The following VWC2 variants were observed in gnomAD, a reference collection of about 807,000 sequenced individuals.
VWC2 encodes von Willebrand factor C domain containing 2, also known as brorin.
Under a neutral mutation model 29.8 loss-of-function variants are expected in VWC2, and 14 were observed. The observed-to-expected ratio is 0.47, with a 90% CI of 0.31 to 0.74. VWC2 has a LOEUF of 0.74. VWC2 is among the 30% of genes least tolerant of loss of function. The pLI is 0.05. For synonymous variants in VWC2, 213 were observed against 199.0 expected (o/e 1.07, Z -0.59); for missense variants, 457 against 459.8 (o/e 0.99, Z 0.05).
chr7:49,919,915 GATTA>G lies in VWC2; in HGVS notation c.*7735_*7738del, dbSNP rs1330581744. The G allele has an allele frequency of 2.0e-5, 3 of 152,170 alleles. No homozygotes were observed. Among genetic ancestry groups the G allele is most frequent in the African/African-American group, 4.8e-5 (2 of 41,438 alleles). 9.4% of individuals were successfully genotyped at this position (152,170 alleles called of 1,614,324 possible). On this transcript the variant is annotated 3_prime_UTR_variant, in exon 4 of 4. Transcript: ENST00000340652. The stretch of plus-strand genomic sequence containing the variant: ...TCTATATATGTTTTTGTAGGTTTTA[GATTA>G]ATTATGGCCAACTGATACCTTAAAA...
At chr7:49,822,311 A>C (rs1789280650) in intron 3 of VWC2, among the ~76,000 whole-genome samples, 2 of 152,188 alleles carry the variant, frequency 1.3e-5, no homozygotes, top group African/African-American at 4.8e-5. Flanking sequence ...AATCATGCTT[A>C]CTGAGGTAGA....
chr7:49,911,918 T>TACACAC, intron 3 of VWC2, 116 bp from the exon 4 acceptor site: 5 of 223,036 alleles, frequency 2.2e-5, no homozygotes, highest in East Asian at 1.9e-4. Flanking sequence ...AACAAACAAA[T>TACACAC]ACACGCACAC....
chr7:49,873,895 ATATAAT>A (rs1386712081), intron 3 of VWC2, among the ~76,000 whole-genome samples: 1 of 123,030 alleles, frequency 8.1e-6, no homozygotes, highest in Admixed American at 8.4e-5. Flanking sequence ...ATGTCAAAAC[ATATAAT>A]TAAGTAAAAA....
intron 3 of VWC2, among the ~76,000 whole-genome samples, chr7:49,880,621 T>C (rs1342392488): frequency 6.6e-6 from 1 of 152,008 alleles, no homozygotes; most frequent in East Asian, 1.9e-4. Flanking sequence ...CTTTAAGTTC[T>C]AGGGTACATG....
chr7:49,867,824 T>A (rs560598585), intron 3 of VWC2, among the ~76,000 whole-genome samples: 101 of 141,798 alleles, frequency 7.1e-4, no homozygotes, highest in African/African-American at 2.4e-3. Flanking sequence ...TTTTCTATTT[T>A]TTATTTTATT....
At chr7:49,868,265 A>C (rs576021602) in intron 3 of VWC2, among the ~76,000 whole-genome samples, 66 of 152,348 alleles carry the variant, frequency 4.3e-4, no homozygotes, top group Non-Finnish European at 8.1e-4. Flanking sequence ...TTTAGGTTTC[A>C]TTAATAGGAA....
At chr7:49,859,540 G>T (rs1181758615) in intron 3 of VWC2, among the ~76,000 whole-genome samples, 4 of 152,152 alleles carry the variant, frequency 2.6e-5, no homozygotes, top group African/African-American at 9.7e-5. Context: ...CCAACAATGG[G>T]ACCCTCAGTA....
At position 49,917,529 on chromosome 7, in the gene VWC2, T is replaced by C. The variant is rs1038749606; in HGVS notation, c.*5344T>C. On this transcript the variant is annotated 3_prime_UTR_variant, in exon 4 of 4. Coordinates refer to ENST00000340652, the MANE Select transcript of VWC2 (RefSeq NM_198570.5). ...GTACATAAAACCTCTGGCTGACCTA[T>C]TATATAGGCACAGAATTATCAAAAG... The C allele has an allele frequency of 6.6e-6, 1 of 152,172 alleles. No homozygotes were observed. Among genetic ancestry groups the C allele is most frequent in the African/African-American group, 2.4e-5 (1 of 41,450 alleles). 9.4% of individuals were successfully genotyped at this position (152,172 alleles called of 1,614,324 possible).
intron 3 of VWC2, among the ~76,000 whole-genome samples, chr7:49,809,491 A>G (rs1788950821): frequency 6.6e-6 from 1 of 152,068 alleles, no homozygotes; most frequent in Non-Finnish European, 1.5e-5. Context: ...AAATAGAAGC[A>G]AAGGAAACAC....
rs563178218 is a variant in VWC2, at chr7:49,823,387, A to G, written c.826+20547A>G. 2.0e-5 allele frequency among the ~76,000 whole-genome samples: 3 copies of G among 152,292 alleles called. No homozygotes were observed. The South Asian group carries it at 6.2e-4, about 32-fold the overall frequency. ...AGACTAAAGAGACTGACTCTAAGAG[A>G]GTCTAGATGTTGGACTCTGCAGAGA... On this transcript the variant is annotated intron_variant, in intron 3 of 3. Coordinates refer to ENST00000340652, the MANE Select transcript of VWC2 (RefSeq NM_198570.5).
intron 3 of VWC2, among the ~76,000 whole-genome samples, chr7:49,869,433 G>A (rs994059108): frequency 6.6e-6 from 1 of 152,134 alleles, no homozygotes; most frequent in Admixed American, 6.5e-5. Context: ...ACAAATCAAA[G>A]CCTACACTAG....
intron 3 of VWC2, among the ~76,000 whole-genome samples, chr7:49,895,284 G>A (rs948145423): frequency 2.0e-5 from 3 of 152,112 alleles, no homozygotes; most frequent in Admixed American, 6.5e-5. Flanking sequence ...TGAGGGCTCT[G>A]CCCTCATGAC....
chr7:49,835,627 A>G (rs1475668545), intron 3 of VWC2, among the ~76,000 whole-genome samples: 3 of 152,220 alleles, frequency 2.0e-5, no homozygotes, highest in African/African-American at 7.2e-5. Flanking sequence ...AGAAACTTGG[A>G]GCCTATGAAG....
chr7:49,890,238 A>C (rs1792071809), intron 3 of VWC2, among the ~76,000 whole-genome samples: 1 of 152,210 alleles, frequency 6.6e-6, no homozygotes, highest in South Asian at 2.1e-4. Flanking sequence ...TCCCAGGTCA[A>C]GCGTATTTGA....
At chr7:49,775,060 C>T (rs1217086853) in intron 1 of VWC2, among the ~76,000 whole-genome samples, 1 of 152,056 alleles carries the variant, frequency 6.6e-6, no homozygotes, top group Non-Finnish European at 1.5e-5. Context: ...GTTCCCTGGG[C>T]TCCGCAAGCC....
rs867754878 is a variant in VWC2 at position 49,877,497 on chromosome 7, T to A, written c.827-34537T>A. ...AAAAAAAAAAATATATATATATATA[T>A]ATATATATATATATATATATAGTTA... On this transcript the variant is annotated intron_variant, in intron 3 of 3. Transcript: ENST00000340652. Among the ~76,000 whole-genome samples, 174 of 82,498 alleles carry A rather than the reference T, an allele frequency of 2.1e-3. 14 individuals are homozygous for A. Among genetic ancestry groups the A allele is most frequent in the Middle Eastern group, 0.01 (2 of 196 alleles). 54.1% of individuals were successfully genotyped at this position (82,498 alleles called of 152,430 possible).
intron 3 of VWC2, among the ~76,000 whole-genome samples, chr7:49,895,779 T>C (rs1792359344): frequency 6.6e-6 from 1 of 152,148 alleles, no homozygotes; most frequent in Non-Finnish European, 1.5e-5. Flanking sequence ...TTAAGTAGCA[T>C]ATAAATATGA....
chr7:49,825,119 C>T (rs1789364529), intron 3 of VWC2, among the ~76,000 whole-genome samples: 1 of 152,006 alleles, frequency 6.6e-6, no homozygotes, highest in African/African-American at 2.4e-5. Context: ...GTCTTCTGCC[C>T]TCTATAATCA....
intron 3 of VWC2, among the ~76,000 whole-genome samples, chr7:49,826,304 G>C (rs1023646078): frequency 6.6e-6 from 1 of 152,076 alleles, no homozygotes; most frequent in Non-Finnish European, 1.5e-5. Context: ...TCTTTAACAA[G>C]TGAGTTATTT....
Sources: allele counts gnomAD v4.1 joint callset (sites outside exome capture counted in the v4.1 genomes callset), GRCh38; gene constraint gnomAD v4.1.1; transcripts MANE v1.5; gene names NCBI Gene and HGNC (gene_info 2026-07-23, HGNC 2026-07-21).